The following GABRB1 variants were observed in gnomAD, a reference collection of about 807,000 sequenced individuals.
GABRB1 encodes gamma-aminobutyric acid receptor subunit beta-1.
In GABRB1, 17 loss-of-function variants were observed where a neutral mutation model predicts 51.6. The observed-to-expected ratio is 0.33, with a 90% CI of 0.23 to 0.49. The LOEUF (loss-of-function observed/expected upper bound fraction) is 0.49. GABRB1 is among the 20% of genes least tolerant of loss of function. The pLI is 0.99. For missense variants in GABRB1, 410 were observed against 600.6 expected (o/e 0.68, Z 3.32); for synonymous variants, 247 against 218.9 (o/e 1.13, Z -1.14).
In GABRB1 at chr4:47,088,672, G is replaced by A. The variant is rs185147022; in HGVS notation, c.240+56188G>A. On this transcript the variant is annotated intron_variant, in intron 3 of 8. Transcript: ENST00000295454. Reference sequence around the variant, plus strand: ...GGCCAGCTTACATAACAAGGGCTCCGAAGCAGGGAATTCTTCTTGTATTCA... The same window carrying A: ...GGCCAGCTTACATAACAAGGGCTCCAAAGCAGGGAATTCTTCTTGTATTCA... Among the ~76,000 whole-genome samples the A allele has an allele frequency of 1.6e-4, 24 of 152,230 alleles. No individual in the cohort carries two copies. In the East Asian group the frequency reaches 1.7e-3, roughly 11 times the overall value.
At chr4:47,097,186 G>T (rs1714484509) in intron 3 of GABRB1, among the ~76,000 whole-genome samples, 1 of 152,062 alleles carries the variant, frequency 6.6e-6, no homozygotes, top group Non-Finnish European at 1.5e-5. Context: ...CTTCCTAATA[G>T]CCTCCAAGGT....
chr4:47,101,388 A>G (rs1460927705), intron 3 of GABRB1, among the ~76,000 whole-genome samples: 3 of 151,106 alleles, frequency 2.0e-5, no homozygotes, highest in African/African-American at 7.2e-5. Flanking sequence ...TTGATTTTAA[A>G]TATGAAAAAA....
intron 4 of GABRB1, among the ~76,000 whole-genome samples, chr4:47,238,204 A>T (rs1721397727): frequency 1.3e-5 from 2 of 152,006 alleles, no homozygotes; most frequent in Non-Finnish European, 2.9e-5. Flanking sequence ...AAATAAAAGA[A>T]TGAGGAAAAC....
intron 4 of GABRB1, among the ~76,000 whole-genome samples, chr4:47,220,280 G>A (rs1202298239): frequency 1.3e-5 from 2 of 151,824 alleles, no homozygotes; most frequent in Non-Finnish European, 2.9e-5. Context: ...CCTTTCCTTT[G>A]TATATTATCA....
At chr4:47,150,269 A>G (rs1717371192) in intron 3 of GABRB1, among the ~76,000 whole-genome samples, 1 of 148,020 alleles carries the variant, frequency 6.8e-6, no homozygotes, top group Admixed American at 6.8e-5. Context: ...AAGCCAAGCT[A>G]TCTATGAAGT....
At chr4:47,131,168 T>C (rs1013877505) in intron 3 of GABRB1, among the ~76,000 whole-genome samples, 2 of 151,880 alleles carry the variant, frequency 1.3e-5, no homozygotes, top group Admixed American at 1.3e-4. Flanking sequence ...CTGGAGAATT[T>C]TTTTTTTTTT....
chr4:47,123,380 ATT>A (rs1220337133), intron 3 of GABRB1, among the ~76,000 whole-genome samples: 1 of 120,444 alleles, frequency 8.3e-6, no homozygotes, highest in African/African-American at 3.2e-5. Context: ...TAGATATTAT[ATT>A]TTATATATAT....
At chr4:47,171,556 A>T (rs1339008654) in intron 4 of GABRB1, among the ~76,000 whole-genome samples, 1 of 152,122 alleles carries the variant, frequency 6.6e-6, no homozygotes, top group Non-Finnish European at 1.5e-5. Flanking sequence ...ATCATTAAAA[A>T]ATATTGACTT....
chr4:47,325,202 C>A (rs551102828), intron 5 of GABRB1, among the ~76,000 whole-genome samples: 1 of 152,046 alleles, frequency 6.6e-6, no homozygotes. Flanking sequence ...TTTGGGAGGC[C>A]GAGGCAGGCA....
At chr4:47,200,355 T>C (rs1719851563) in intron 4 of GABRB1, among the ~76,000 whole-genome samples, 1 of 152,136 alleles carries the variant, frequency 6.6e-6, no homozygotes, top group South Asian at 2.1e-4. Flanking sequence ...GACAAGGTCA[T>C]TGCAGAAGTC....
intron 5 of GABRB1, among the ~76,000 whole-genome samples, chr4:47,379,349 A>G (rs1172434507): frequency 6.6e-6 from 1 of 152,222 alleles, no homozygotes; most frequent in Non-Finnish European, 1.5e-5. Flanking sequence ...GAGTACCAAT[A>G]CAGCCATTCA....
chr4:47,135,516 A>G (rs1001547899), intron 3 of GABRB1, among the ~76,000 whole-genome samples: 7 of 152,154 alleles, frequency 4.6e-5, no homozygotes, highest in Non-Finnish European at 1.0e-4. Flanking sequence ...TGAAAGAGAA[A>G]GAAGTAAAGA....
intron 4 of GABRB1, among the ~76,000 whole-genome samples, chr4:47,299,537 G>A (rs1436632241): frequency 2.0e-5 from 3 of 152,176 alleles, no homozygotes; most frequent in Non-Finnish European, 2.9e-5. Flanking sequence ...AAACCACAAT[G>A]AGATACCATC....
chr4:47,420,566 A>G (rs1430721176), intron 8 of GABRB1, among the ~76,000 whole-genome samples: 2 of 152,194 alleles, frequency 1.3e-5, no homozygotes, highest in African/African-American at 4.8e-5. Flanking sequence ...GCTCAACTCA[A>G]ATATTGATAT....
chr4:47,270,287 G>A (rs1179307685), intron 4 of GABRB1, among the ~76,000 whole-genome samples: 2 of 152,124 alleles, frequency 1.3e-5, no homozygotes, highest in East Asian at 1.9e-4. Context: ...GCTAAAATGA[G>A]GAATAATTCC....
At chr4:47,288,283 G>C (rs1723591595) in intron 4 of GABRB1, among the ~76,000 whole-genome samples, 1 of 148,402 alleles carries the variant, frequency 6.7e-6, no homozygotes, top group Non-Finnish European at 1.5e-5. Context: ...TTATTATTAA[G>C]ATGGAGTCTC....
chr4:47,156,694 C>A (rs752303504), intron 3 of GABRB1, among the ~76,000 whole-genome samples: 2 of 151,862 alleles, frequency 1.3e-5, no homozygotes, highest in African/African-American at 4.8e-5. Flanking sequence ...TGGGGACAGG[C>A]GCAGTGGCTC....
chr4:47,410,877 A>T (rs928903201), intron 8 of GABRB1, among the ~76,000 whole-genome samples: 5 of 152,218 alleles, frequency 3.3e-5, no homozygotes, highest in Non-Finnish European at 7.3e-5. Flanking sequence ...AGAATAAGGG[A>T]TTCCCCTTGG....
At chr4:47,134,830 G>A (rs759759293) in intron 3 of GABRB1, among the ~76,000 whole-genome samples, 1 of 152,170 alleles carries the variant, frequency 6.6e-6, no homozygotes, top group Non-Finnish European at 1.5e-5. Flanking sequence ...CCAATGTAAT[G>A]AGTAGGTTGG....
Sources: allele counts gnomAD v4.1 joint callset (sites outside exome capture counted in the v4.1 genomes callset), GRCh38; gene constraint gnomAD v4.1.1; transcripts MANE v1.5; gene names NCBI Gene and HGNC (gene_info 2026-07-23, HGNC 2026-07-21).